NQO2: variants seen among roughly 807,000 people sequenced by gnomAD.
The protein encoded by NQO2 is ribosyldihydronicotinamide dehydrogenase [quinone].
In NQO2, 18 loss-of-function variants were observed where a neutral mutation model predicts 22.0. The ratio of observed to expected loss-of-function variants is 0.82; its 90% CI spans 0.56 to 1.21. The LOEUF (loss-of-function observed/expected upper bound fraction) is 1.21. NQO2 is among the 50% of genes most tolerant of loss of function. NQO2 has a pLI of 0.00. For synonymous variants in NQO2, 106 were observed against 110.8 expected (o/e 0.96, Z 0.28); for missense variants, 267 against 286.9 (o/e 0.93, Z 0.50).
chr6:3,000,490 A>G (rs1772922732), intron 1 of NQO2: 1 of 152,180 alleles, frequency 6.6e-6, no homozygotes, highest in Non-Finnish European at 1.5e-5. Context: ...TGTGGAAAAA[A>G]TGAAAAATCA....
chr6:3,015,039 C>T lies in NQO2; in HGVS notation c.304-491C>T. 3 of 1,214,778 alleles carry T rather than the reference C, an allele frequency of 2.5e-6. No homozygotes were observed. In the East Asian group the frequency reaches 1.7e-4, roughly 69 times the overall value. The allele number at this position is 1,214,778 out of a possible 1,614,324, so 75.2% of individuals were successfully genotyped here. A position where few individuals can be genotyped will look rare whatever the true frequency, so the allele number is the denominator to read the frequency against. On this transcript the variant is annotated intron_variant, in intron 4 of 6. Transcript: ENST00000380455. ...AACACTGGATGTAATGTTAGGGCAT[C>T]TATGGGATAGGGAGATCTTAGCGCT...
chr6:3,009,344 C>CCTGAACAT, intron 2 of NQO2, among the ~76,000 whole-genome samples: 1 of 152,186 alleles, frequency 6.6e-6, no homozygotes, highest in East Asian at 1.9e-4. Context: ...TCTCTTGTTC[C>CCTGAACAT]CTGAACATTG....
intron 6 of NQO2, among the ~76,000 whole-genome samples, chr6:3,019,020 A>T (rs1429145416): frequency 6.6e-6 from 1 of 152,134 alleles, no homozygotes; most frequent in Non-Finnish European, 1.5e-5. Flanking sequence ...GGTTTATTAC[A>T]TTTACTGCTC....
intron 5 of NQO2, among the ~76,000 whole-genome samples, chr6:3,016,298 G>A (rs1008487672): frequency 2.0e-5 from 3 of 151,996 alleles, no homozygotes; most frequent in Admixed American, 6.6e-5. Flanking sequence ...GGGCATGGTG[G>A]TAGGCGCCTG....
intron 2 of NQO2, among the ~76,000 whole-genome samples, chr6:3,009,595 A>G (rs1757075417): frequency 6.6e-6 from 1 of 152,256 alleles, no homozygotes; most frequent in African/African-American, 2.4e-5. Flanking sequence ...ACGTTCAGAG[A>G]TTGCAGTAAA....
At chr6:3,005,924 G>A (rs879683831) in intron 1 of NQO2, 3 of 504,538 alleles carry the variant, frequency 5.9e-6, no homozygotes, top group Non-Finnish European at 7.7e-6. Flanking sequence ...TGTCTGATGC[G>A]GGGGTCTCCT....
At chr6:3,009,959 A>C in intron 2 of NQO2, 66 bp from the exon 3 acceptor site, 1 of 1,530,982 alleles carries the variant, frequency 6.5e-7, no homozygotes, top group South Asian at 1.3e-5. Flanking sequence ...TTTTCATCTT[A>C]GTCTTCATTG....
At chr6:3,015,133 C>G (rs1284150358) in intron 4 of NQO2, 2 of 1,298,798 alleles carry the variant, frequency 1.5e-6, no homozygotes, top group East Asian at 1.1e-4. Flanking sequence ...CGAACTCAGT[C>G]TGACTTCCAG....
chr6:3,016,510 G>A (rs1022733), intron 5 of NQO2, among the ~76,000 whole-genome samples: 7,163 of 151,528 alleles, frequency 0.047, 251 homozygotes, highest in Middle Eastern at 0.09. Context: ...GAAACATACT[G>A]AGTAACCAAG....
At chr6:3,009,485 G>C (rs534645580) in intron 2 of NQO2, among the ~76,000 whole-genome samples, 1 of 152,164 alleles carries the variant, frequency 6.6e-6, no homozygotes, top group African/African-American at 2.4e-5. Flanking sequence ...CTCAGCTTAT[G>C]AAGATGATGG....
chr6:3,018,244 C>T (rs28383646), intron 6 of NQO2, among the ~76,000 whole-genome samples: 8,830 of 152,222 alleles, frequency 0.058, 422 homozygotes, highest in African/African-American at 0.13. Flanking sequence ...CGGTGGCTCA[C>T]GCCTGTAATT....
chr6:3,010,970 T>C (rs1419804705), intron 3 of NQO2, among the ~76,000 whole-genome samples: 1 of 150,814 alleles, frequency 6.6e-6, no homozygotes, highest in African/African-American at 2.4e-5. Context: ...AAAAATTTAA[T>C]AAGAAAGTTG....
chr6:3,019,697 G>A lies in NQO2; in HGVS notation c.*42G>A. 6.7e-7 allele frequency: 1 copy of A among 1,491,308 alleles called. No homozygotes were observed. The highest frequency in any genetic ancestry group is 2.3e-5 in the East Asian group (1 of 43,120). 92.4% of individuals were successfully genotyped at this position (1,491,308 alleles called of 1,614,324 possible). A position where few individuals can be genotyped will look rare whatever the true frequency, so the allele number is the denominator to read the frequency against. Reference sequence around the variant, plus strand: ...CATCACGTAAGCAGCACACTAGGAGGCCCAGGCGCAGGCAAAGAGAAGATG... The same window carrying A: ...CATCACGTAAGCAGCACACTAGGAGACCCAGGCGCAGGCAAAGAGAAGATG... On this transcript the variant is annotated 3_prime_UTR_variant, in exon 7 of 7. Coordinates refer to ENST00000380455, the MANE Select transcript of NQO2 (RefSeq NM_000904.6).
intron 1 of NQO2, among the ~76,000 whole-genome samples, chr6:3,001,382 G>A (rs774629797): frequency 4.6e-5 from 7 of 152,112 alleles, no homozygotes; most frequent in South Asian, 2.1e-4. Context: ...CACTGCGCCC[G>A]GCCAAAAATC....
intron 4 of NQO2, among the ~76,000 whole-genome samples, chr6:3,014,821 C>A (rs1019728806): frequency 9.9e-5 from 15 of 152,102 alleles, no homozygotes; most frequent in African/African-American, 3.4e-4. Context: ...CTATTAGTAG[C>A]CCTATTTGAT....
rs1022787758 is a variant in NQO2 at position 3,019,464 on chromosome 6, C to G, written c.520-15C>G. On this transcript the variant is annotated splice_polypyrimidine_tract_variant and intron_variant, in intron 6 of 6. Transcript: ENST00000380455. The stretch of plus-strand genomic sequence containing the variant: ...GTAGTTTCTAATGAGTTCTTTTCTT[C>G]CCCTGTGGCTTTAGCATGGCACATT... 5 of 1,603,232 alleles carry G rather than the reference C, an allele frequency of 3.1e-6. No homozygotes were observed. Among genetic ancestry groups the G allele is most frequent in the Non-Finnish European group, 4.3e-6 (5 of 1,173,792 alleles).
intron 4 of NQO2, among the ~76,000 whole-genome samples, chr6:3,014,191 A>G (rs1268710715): frequency 6.6e-6 from 1 of 152,196 alleles, no homozygotes; most frequent in Non-Finnish European, 1.5e-5. Context: ...AGCAACCTGC[A>G]TGTGCGGGAA....
rs111449701 is a variant in NQO2, at chr6:3,004,486, C to T, written c.-85-1982C>T. 1.1e-4 allele frequency: 106 copies of T among 985,902 alleles called. 1 individual carries two copies. The African/African-American group carries it at 1.7e-3, about 16-fold the overall frequency. 61.1% of individuals were successfully genotyped at this position (985,902 alleles called of 1,614,324 possible). On this transcript the variant is annotated intron_variant, in intron 1 of 6. Coordinates refer to ENST00000380455, the MANE Select transcript of NQO2 (RefSeq NM_000904.6). ...CAATGATGTAGCCTCTTTTCCTTTC[C>T]ATCCACAGGGCACCTGGCCTGGGTG...
intron 4 of NQO2, chr6:3,015,129 C>A (rs1348665295): frequency 2.0e-5 from 26 of 1,297,802 alleles, no homozygotes; most frequent in Non-Finnish European, 2.6e-5. Flanking sequence ...GCACCGAACT[C>A]AGTCTGACTT....
Sources: allele counts gnomAD v4.1 joint callset (sites outside exome capture counted in the v4.1 genomes callset), GRCh38; gene constraint gnomAD v4.1.1; transcripts MANE v1.5; gene names NCBI Gene and HGNC (gene_info 2026-07-23, HGNC 2026-07-21).